Variants in CCDC3 observed in about 807,000 individuals in gnomAD.
CCDC3 encodes coiled-coil domain-containing protein 3.
A neutral mutation model predicts 21.4 loss-of-function variants in CCDC3; 24 were observed. That is an observed-to-expected ratio of 1.12 (90% CI 0.81 to 1.58). CCDC3 has a LOEUF of 1.58. Ranked by LOEUF, CCDC3 falls within the 40% of genes most tolerant of loss-of-function variation. CCDC3 has a pLI of 0.00. For synonymous variants in CCDC3, 186 were observed against 166.0 expected (o/e 1.12, Z -0.93); for missense variants, 425 against 360.9 (o/e 1.18, Z -1.44).
At chr10:12,900,731 A>G (rs1051235517) in intron 2 of CCDC3, among the ~76,000 whole-genome samples, 4 of 149,588 alleles carry the variant, frequency 2.7e-5, no homozygotes, top group African/African-American at 9.9e-5. Flanking sequence ...GAGCCCCACT[A>G]TCTACACTGC....
chr10:13,051,782 G>A (rs1200311453), intron 4 of CCDC3, among the ~76,000 whole-genome samples: 2 of 152,078 alleles, frequency 1.3e-5, no homozygotes, highest in African/African-American at 2.4e-5. Flanking sequence ...AGGAGTGAAG[G>A]GAAGGGGCAT....
At chr10:12,977,321 G>A (rs1469540311) in intron 2 of CCDC3, among the ~76,000 whole-genome samples, 4 of 151,766 alleles carry the variant, frequency 2.6e-5, no homozygotes, top group Non-Finnish European at 5.9e-5. Context: ...GAAAGGAAAG[G>A]AAGAAAAAGA....
chr10:12,959,174 CTTT>C (rs34149625), intron 2 of CCDC3, among the ~76,000 whole-genome samples: 1 of 148,210 alleles, frequency 6.7e-6, no homozygotes, highest in African/African-American at 2.5e-5. Flanking sequence ...AAGCTACAAT[CTTT>C]TTTTTTTTGA....
At chr10:12,976,187 C>T (rs1418306875) in intron 2 of CCDC3, among the ~76,000 whole-genome samples, 1 of 152,166 alleles carries the variant, frequency 6.6e-6, no homozygotes, top group African/African-American at 2.4e-5. Flanking sequence ...GATGGGTGGG[C>T]AGAGAGCTAG....
rs1431900836 is a variant in CCDC3, at chr10:13,039,703, A to ATTGTG, written c.-2+9970_-2+9971insCACAA. 3.9e-5 allele frequency among the ~76,000 whole-genome samples: 6 copies of ATTGTG among 152,086 alleles called. 1 individual carries two copies. The highest frequency in any genetic ancestry group is 7.2e-5 in the African/African-American group (3 of 41,416). ...ACATTCTGATTTCACTGTAATTTGCACTGTGACCTCAGGCAAGTAATTCTC... is the reference window on the plus strand; with the variant it reads ...ACATTCTGATTTCACTGTAATTTGCATTGTGCTGTGACCTCAGGCAAGTAATTCTC... On this transcript the variant is annotated intron_variant, in intron 5 of 6. Transcript: ENST00000378839.
intron 2 of CCDC3, among the ~76,000 whole-genome samples, chr10:12,933,672 G>C (rs913793562): frequency 2.6e-5 from 4 of 151,992 alleles, no homozygotes; most frequent in Non-Finnish European, 4.4e-5. Flanking sequence ...TAGCCAGGCT[G>C]GTCTCACAGT....
intron 2 of CCDC3, among the ~76,000 whole-genome samples, chr10:12,899,487 A>T: frequency 6.6e-6 from 1 of 152,206 alleles, no homozygotes; most frequent in Non-Finnish European, 1.5e-5. Flanking sequence ...CATATGTGCA[A>T]GCTGCCACAT....
At chr10:12,981,177 ATTTTTTTTTT>A (rs59193619) in intron 2 of CCDC3, among the ~76,000 whole-genome samples, 1 of 105,558 alleles carries the variant, frequency 9.5e-6, no homozygotes, top group African/African-American at 3.9e-5. Context: ...CTGGCCCAGG[ATTTTTTTTTT>A]TTTTTTTTTT....
intron 3 of CCDC3, among the ~76,000 whole-genome samples, chr10:13,081,545 C>A (rs1837039077): frequency 6.6e-6 from 1 of 152,296 alleles, no homozygotes; most frequent in South Asian, 2.1e-4. Context: ...TCAAGCCCTA[C>A]CAAGTTAAAG....
intron 2 of CCDC3, among the ~76,000 whole-genome samples, chr10:12,992,794 C>G (rs1835700978): frequency 6.6e-6 from 1 of 152,070 alleles, no homozygotes; most frequent in African/African-American, 2.4e-5. Context: ...TTCCCTAGAA[C>G]TGACTGAAAT....
chr10:12,909,994 C>T (rs1834241042), intron 2 of CCDC3, among the ~76,000 whole-genome samples: 1 of 152,216 alleles, frequency 6.6e-6, no homozygotes. Flanking sequence ...GGCCATCCGC[C>T]CTCCCGGGGA....
chr10:13,035,490 CTA>C (rs1291170901), intron 5 of CCDC3, among the ~76,000 whole-genome samples: 1 of 152,222 alleles, frequency 6.6e-6, no homozygotes, highest in African/African-American at 2.4e-5. Flanking sequence ...GCCTCCTACT[CTA>C]TGTGAACCTT....
intron 2 of CCDC3, among the ~76,000 whole-genome samples, chr10:12,926,041 G>A (rs1356070722): frequency 6.6e-6 from 1 of 152,226 alleles, no homozygotes; most frequent in Admixed American, 6.5e-5. Flanking sequence ...AGGAGCAGAG[G>A]GACTGCTGGC....
intron 5 of CCDC3, among the ~76,000 whole-genome samples, chr10:13,037,951 T>A (rs1037958446): frequency 9.2e-5 from 14 of 152,010 alleles, no homozygotes; most frequent in African/African-American, 3.4e-4. Flanking sequence ...AACTAACAAC[T>A]TAGACCCTAA....
At chr10:13,079,969 A>G (rs1449676160) in intron 3 of CCDC3, among the ~76,000 whole-genome samples, 2 of 152,250 alleles carry the variant, frequency 1.3e-5, no homozygotes, top group Admixed American at 1.3e-4. Flanking sequence ...CAAGGTAGGT[A>G]CTTTAAAGAA....
At chr10:12,969,627 G>GT (rs1351756054) in intron 2 of CCDC3, among the ~76,000 whole-genome samples, 4 of 150,096 alleles carry the variant, frequency 2.7e-5, no homozygotes, top group African/African-American at 4.9e-5. Context: ...GATAAAAAAA[G>GT]TTTTTTTATA....
intron 5 of CCDC3, among the ~76,000 whole-genome samples, chr10:13,042,140 G>A (rs960446463): frequency 2.6e-4 from 39 of 152,324 alleles, no homozygotes; most frequent in Admixed American, 7.2e-4. Flanking sequence ...TAACGATGCC[G>A]TTTCCTGCTG....
rs867646869 is a variant in CCDC3 at position 12,996,482 on chromosome 10, C to T, written c.549+1856G>A. The stretch of plus-strand genomic sequence containing the variant: ...TCCCGAGTAGCTGGAATTAGAAGCA[C>T]GCACCACTCTGCCCAGCTAATTTTT... On this transcript the variant is annotated intron_variant, in intron 2 of 2. Coordinates refer to ENST00000378825, the MANE Select transcript of CCDC3 (RefSeq NM_031455.4). 3.9e-5 allele frequency among the ~76,000 whole-genome samples: 6 copies of T among 152,214 alleles called. No homozygotes were observed. In the South Asian group the frequency reaches 1.0e-3, roughly 26 times the overall value.
chr10:12,925,429 T>A (rs1834520689), intron 2 of CCDC3, among the ~76,000 whole-genome samples: 1 of 152,208 alleles, frequency 6.6e-6, no homozygotes, highest in South Asian at 2.1e-4. Context: ...AGTTGCATAT[T>A]TCAAGGCCCT....
Sources: allele counts gnomAD v4.1 joint callset (sites outside exome capture counted in the v4.1 genomes callset), GRCh38; gene constraint gnomAD v4.1.1; transcripts MANE v1.5; gene names NCBI Gene and HGNC (gene_info 2026-07-23, HGNC 2026-07-21).